Variants in MYCBP2 observed in about 807,000 individuals in gnomAD.
The protein encoded by MYCBP2 is E3 ubiquitin-protein ligase MYCBP2.
A neutral mutation model predicts 525.3 loss-of-function variants in MYCBP2; 120 were observed. The ratio of observed to expected loss-of-function variants is 0.23; its 90% confidence interval spans 0.20 to 0.27. The LOEUF is 0.27. Among genes scored for constraint, MYCBP2 ranks in the 10% least tolerant of loss-of-function variants. The pLI is 1.00. For synonymous variants in MYCBP2, 1,894 were observed against 1,955.8 expected, an observed-to-expected ratio of 0.97 and a Z score of 0.83; for missense variants, 4,149 against 5,657.1, an observed-to-expected ratio of 0.73 and a Z score of 8.55.
intron 20 of MYCBP2, among the ~76,000 whole-genome samples, chr13:77,223,973 A>C (rs559251832): frequency 6.6e-6 from 1 of 152,216 alleles, no homozygotes; most frequent in South Asian, 2.1e-4. Flanking sequence ...ACTATTTGCA[A>C]TAAGTCAAAA....
chr13:77,080,292 A>G (rs1027047827), intron 65 of MYCBP2, among the ~76,000 whole-genome samples: 12 of 152,188 alleles, frequency 7.9e-5, no homozygotes, highest in South Asian at 6.2e-4. Context: ...CTGAGACCCA[A>G]TCCTACCACT....
chr13:77,063,045 A>G (rs1232528845), intron 73 of MYCBP2, among the ~76,000 whole-genome samples: 1 of 152,216 alleles, frequency 6.6e-6, no homozygotes, highest in Non-Finnish European at 1.5e-5. Flanking sequence ...TGTCTTCTGA[A>G]TATTTTTCCA....
chr13:77,208,634 A>G (rs898236535), intron 23 of MYCBP2, among the ~76,000 whole-genome samples: 1 of 152,212 alleles, frequency 6.6e-6, no homozygotes, highest in Non-Finnish European at 1.5e-5. Context: ...TTTTATTTAC[A>G]TAAAAAGAAA....
At chr13:77,312,345 A>C (rs925951486) in intron 1 of MYCBP2, among the ~76,000 whole-genome samples, 3 of 152,098 alleles carry the variant, frequency 2.0e-5, no homozygotes, top group Non-Finnish European at 2.9e-5. Flanking sequence ...TTTTCCTCTA[A>C]GTTCTATAAA....
intron 34 of MYCBP2, among the ~76,000 whole-genome samples, chr13:77,178,505 T>C (rs2059928212): frequency 6.6e-6 from 1 of 152,256 alleles, no homozygotes; most frequent in Admixed American, 6.5e-5. Context: ...AGTGATATTT[T>C]TGTAACAGCA....
At chr13:77,073,084 C>T (rs2041662378) in intron 68 of MYCBP2, among the ~76,000 whole-genome samples, 1 of 151,978 alleles carries the variant, frequency 6.6e-6, no homozygotes, top group Non-Finnish European at 1.5e-5. Context: ...CAACTATCGT[C>T]GTCAGTCAAT....
intron 58 of MYCBP2, among the ~76,000 whole-genome samples, chr13:77,094,982 A>G (rs1216036860): frequency 6.6e-6 from 1 of 152,158 alleles, no homozygotes; most frequent in Non-Finnish European, 1.5e-5. Context: ...GTATTCATTT[A>G]AATGCTAACA....
At chr13:77,152,232 C>T (rs1224674696) in intron 46 of MYCBP2, among the ~76,000 whole-genome samples, 2 of 152,070 alleles carry the variant, frequency 1.3e-5, no homozygotes, top group East Asian at 1.9e-4. Flanking sequence ...GGTGAGGTTA[C>T]AAGAGATCAG....
intron 15 of MYCBP2, among the ~76,000 whole-genome samples, chr13:77,246,714 T>C (rs1164888283): frequency 6.7e-6 from 1 of 149,430 alleles, no homozygotes; most frequent in Non-Finnish European, 1.5e-5. Context: ...TTATGAATAA[T>C]GATGTGAAAA....
chr13:77,167,466 T>C (rs565163027), intron 40 of MYCBP2, among the ~76,000 whole-genome samples: 3 of 151,936 alleles, frequency 2.0e-5, no homozygotes, highest in South Asian at 2.1e-4. Flanking sequence ...CTTCAACAAA[T>C]AGAACTCAAG....
chr13:77,115,306 G>C (rs2049536515), intron 55 of MYCBP2, among the ~76,000 whole-genome samples: 1 of 151,744 alleles, frequency 6.6e-6, no homozygotes, highest in Admixed American at 6.6e-5. Context: ...CTCCACTTTG[G>C]TTCACTAAAA....
rs368169983 is a variant in MYCBP2 at position 77,159,287 on chromosome 13, T to C, written c.6598-1178A>G. On this transcript the variant is annotated intron_variant, in intron 44 of 82. Transcript: ENST00000544440. ...CAAACTAAATAATGCATATAAAGTA[T>C]ATAATACATTGCCTAACAAATAGTA... Among the ~76,000 whole-genome samples, 22 of 152,298 alleles carry C rather than the reference T, an allele frequency of 1.4e-4. 1 individual carries two copies. The South Asian group carries it at 3.9e-3, about 27-fold the overall frequency.
chr13:77,233,249 C>G lies in MYCBP2; in HGVS notation c.2644G>C (p.Ala882Pro), dbSNP rs1363018182. ...CGATGGTTCATAAAAATAGGACCAG[C>G]AAATACAAGGGGGCCTGAGGAGAAA... ...LEEGRGPLVF[A>P]GPIFMNHREQ... The change falls in exon 18 of 83, where the codon GCT (alanine) becomes CCT (proline). Residue 882 changes from alanine to proline, a missense_variant. This residue lies in a region of MYCBP2 where 620 missense variants were observed against 795.5 expected (regional missense o/e 0.78). Coordinates refer to ENST00000544440, the MANE Select transcript of MYCBP2 (RefSeq NM_015057.5). 6.2e-7 allele frequency: 1 copy of G among 1,613,020 alleles called. No homozygotes were observed. Among genetic ancestry groups the G allele is most frequent in the Non-Finnish European group, 8.5e-7 (1 of 1,179,486 alleles).
At position 77,076,757 on chromosome 13, in the gene MYCBP2, T is replaced by C; in HGVS notation, c.11817A>G (p.Val3939=). The C allele has an allele frequency of 6.4e-7, 1 of 1,574,678 alleles. No homozygotes were observed. Among genetic ancestry groups the C allele is most frequent in the Non-Finnish European group, 8.7e-7 (1 of 1,147,672 alleles). ...LLSSPEGEEK[V]YNATSDADLK... is the part of the protein sequence containing the mutation. ...TTAGAATACAAATAAATACATTGTATACTTTTTCTTCTCCTTCAGGTGATG... is the reference window on the plus strand; with the variant it reads ...TTAGAATACAAATAAATACATTGTACACTTTTTCTTCTCCTTCAGGTGATG... Residue 3939 remains valine, a synonymous_variant, in exon 68 of 83, where the codon GTA becomes GTG. Coordinates refer to ENST00000544440, the MANE Select transcript of MYCBP2 (RefSeq NM_015057.5).
chr13:77,128,945 T>C (rs2052211780), intron 52 of MYCBP2, among the ~76,000 whole-genome samples: 1 of 151,962 alleles, frequency 6.6e-6, no homozygotes. Flanking sequence ...AAACTAAATA[T>C]AGCAAATTTG....
chr13:77,163,784 C>T (rs1274079096), intron 43 of MYCBP2, among the ~76,000 whole-genome samples: 2 of 152,110 alleles, frequency 1.3e-5, no homozygotes, highest in Admixed American at 1.3e-4. Context: ...TTTCTTATTG[C>T]ATATACAAGC....
chr13:77,179,906 A>G (rs2060057614), intron 34 of MYCBP2, among the ~76,000 whole-genome samples: 1 of 152,186 alleles, frequency 6.6e-6, no homozygotes, highest in Non-Finnish European at 1.5e-5. Context: ...AGGAAAATGT[A>G]TACTTTATAT....
intron 18 of MYCBP2, among the ~76,000 whole-genome samples, chr13:77,226,590 T>A (rs1489330946): frequency 6.6e-6 from 1 of 152,216 alleles, no homozygotes. Context: ...GATACATATG[T>A]GAATCTACAG....
chr13:77,294,104 C>CTATATATATATATA (rs1197370334), intron 2 of MYCBP2, among the ~76,000 whole-genome samples: 1,437 of 41,756 alleles, frequency 0.034, 95 homozygotes, highest in South Asian at 0.044. Context: ...GATATAATGG[C>CTATATATATATATA]TATATATATA....
Sources: gnomAD v4.1 joint callset for allele counts (sites outside exome capture counted in the v4.1 genomes callset) on GRCh38, gnomAD v4.1.1 for gene constraint, gnomAD v4.1.1 regional missense constraint, MANE v1.5 for transcripts, NCBI Gene and HGNC (gene_info 2026-07-23, HGNC 2026-07-21) for gene names.